Variants in SNX1 observed in about 807,000 individuals in gnomAD.
SNX1 encodes sorting nexin-1.
Under a neutral mutation model 71.8 loss-of-function variants are expected in SNX1, and 36 were observed. The ratio of observed to expected loss-of-function variants is 0.50; its 90% confidence interval spans 0.38 to 0.66. The LOEUF is 0.66. SNX1 is among the 30% of genes least tolerant of loss of function. The pLI, the probability that SNX1 is intolerant of heterozygous loss-of-function variation, is 0.00. For synonymous variants in SNX1, 254 were observed against 240.7 expected (o/e 1.06, Z -0.51); for missense variants, 612 against 646.7 (o/e 0.95, Z 0.58).
At chr15:64,111,889 A>C (rs1044276813) in intron 1 of SNX1, among the ~76,000 whole-genome samples, 1 of 152,080 alleles carries the variant, frequency 6.6e-6, no homozygotes, top group African/African-American at 2.4e-5. Flanking sequence ...GACCCACCCC[A>C]CCCTTGTTTG....
At chr15:64,137,201 C>T (rs1311464158) in intron 14 of SNX1, among the ~76,000 whole-genome samples, 3 of 152,214 alleles carry the variant, frequency 2.0e-5, no homozygotes, top group Admixed American at 6.5e-5. Flanking sequence ...GCTTACCCTT[C>T]GAGGAGCCAC....
rs1383365622 is a variant in SNX1 at position 64,142,531 on chromosome 15, G to T, written c.*4913G>T. The T allele has an allele frequency of 7.0e-6, 3 of 427,000 alleles. No individual in the cohort carries two copies. The highest frequency in any genetic ancestry group is 1.4e-5 in the Non-Finnish European group (3 of 211,266). The allele number at this position is 427,000 out of a possible 1,614,324, so 26.5% of individuals were successfully genotyped here. A position where few individuals can be genotyped will look rare whatever the true frequency, so the allele number is the denominator to read the frequency against. ...CACAGGAAGGGGACCTGTGTTCAGAGGGTGCCTCACTGCTGAGGCCACAGG... is the reference window on the plus strand; with the variant it reads ...CACAGGAAGGGGACCTGTGTTCAGATGGTGCCTCACTGCTGAGGCCACAGG... On this transcript the variant is annotated 3_prime_UTR_variant, in exon 15 of 15. Coordinates refer to ENST00000559844, the MANE Select transcript of SNX1 (RefSeq NM_003099.5).
At chr15:64,108,436 A>G (rs1203962136) in intron 1 of SNX1, among the ~76,000 whole-genome samples, 1 of 152,166 alleles carries the variant, frequency 6.6e-6, no homozygotes, top group Non-Finnish European at 1.5e-5. Context: ...GTATTTTGAT[A>G]ACGTGCTATT....
chr15:64,122,443 A>T (rs1046732173), intron 4 of SNX1, among the ~76,000 whole-genome samples: 1 of 152,198 alleles, frequency 6.6e-6, no homozygotes, highest in Non-Finnish European at 1.5e-5. Flanking sequence ...AGTATAGCAG[A>T]CAAGCCCTGT....
chr15:64,138,842 A>G lies in SNX1; in HGVS notation c.*1224A>G, dbSNP rs1280386104. On this transcript the variant is annotated 3_prime_UTR_variant, in exon 15 of 15. Transcript: ENST00000559844. ...TGAGCTCGAGCTGCTGACTGCCACTATGGGAGCCTTGCCACCTCCAGCCCC... is the reference window on the plus strand; with the variant it reads ...TGAGCTCGAGCTGCTGACTGCCACTGTGGGAGCCTTGCCACCTCCAGCCCC... The G allele has an allele frequency of 6.6e-6, 1 of 152,454 alleles. No individual in the cohort carries two copies. The highest frequency in any genetic ancestry group is 1.5e-5 in the Non-Finnish European group (1 of 68,296). 9.4% of individuals were successfully genotyped at this position (152,454 alleles called of 1,614,324 possible).
At chr15:64,118,019 A>T in intron 2 of SNX1, 98 bp from the exon 3 acceptor site, 3 of 1,136,064 alleles carry the variant, frequency 2.6e-6, no homozygotes, top group Non-Finnish European at 3.9e-6. Context: ...ATGTATTGAG[A>T]GTGCTTGCTA....
chr15:64,135,677 T>A (rs1469822013), intron 12 of SNX1, among the ~76,000 whole-genome samples: 1 of 149,008 alleles, frequency 6.7e-6, no homozygotes, highest in East Asian at 2.0e-4. Flanking sequence ...GAGAATCGCT[T>A]GAACCTGGGA....
chr15:64,096,520 A>G (rs2080902932), intron 1 of SNX1, among the ~76,000 whole-genome samples: 1 of 152,248 alleles, frequency 6.6e-6, no homozygotes, highest in African/African-American at 2.4e-5. Context: ...GTAGGACGGA[A>G]TAAGCGAATG....
intron 5 of SNX1, among the ~76,000 whole-genome samples, chr15:64,125,009 G>A (rs992978578): frequency 3.3e-5 from 5 of 152,086 alleles, no homozygotes; most frequent in East Asian, 3.9e-4. Flanking sequence ...GTTGGCCTGC[G>A]TCCTGTGAGC....
At chr15:64,115,434 T>A (rs888093140) in intron 2 of SNX1, among the ~76,000 whole-genome samples, 1 of 152,176 alleles carries the variant, frequency 6.6e-6, no homozygotes, top group Non-Finnish European at 1.5e-5. Context: ...ATGATCAGAG[T>A]CTCTCATGGA....
rs2081377491 is a variant in SNX1, at chr15:64,137,974, A to T, written c.*356A>T. 2.1e-6 allele frequency: 3 copies of T among 1,444,486 alleles called. No homozygotes were observed. The South Asian group carries it at 4.5e-5, about 22-fold the overall frequency. 89.5% of individuals were successfully genotyped at this position (1,444,486 alleles called of 1,614,324 possible). A position where few individuals can be genotyped will look rare whatever the true frequency, so the allele number is the denominator to read the frequency against. On this transcript the variant is annotated 3_prime_UTR_variant, in exon 15 of 15. Transcript: ENST00000559844. ...TCTGTTACTCCTGATGGTGCCATGA[A>T]AAGGTTATGTAATAAAATATTTTAA...
At position 64,138,023 on chromosome 15, in the gene SNX1, G is replaced by A. The variant is rs769148661; in HGVS notation, c.*405G>A. 1.6e-4 allele frequency: 238 copies of A among 1,512,210 alleles called. No homozygotes were observed. The highest frequency in any genetic ancestry group is 2.0e-4 in the Non-Finnish European group (224 of 1,138,712). The allele number at this position is 1,512,210 out of a possible 1,614,324, so 93.7% of individuals were successfully genotyped here. ...AAAATCAGGTCACATGACTCAGAAT[G>A]TTGGTGGTTTTTGCTTAGGCTGGGG... On this transcript the variant is annotated 3_prime_UTR_variant, in exon 15 of 15. Coordinates refer to ENST00000559844, the MANE Select transcript of SNX1 (RefSeq NM_003099.5).
intron 6 of SNX1, among the ~76,000 whole-genome samples, chr15:64,126,673 G>A (rs1040148334): frequency 2.0e-5 from 3 of 152,070 alleles, no homozygotes; most frequent in East Asian, 1.9e-4. Flanking sequence ...TCCACCTTCC[G>A]GGTTCAAGAG....
In SNX1 at chr15:64,096,115, C is replaced by G. The variant is rs535954030; in HGVS notation, c.102C>G (p.Pro34=). Residue 34 remains proline (P), a synonymous_variant, in exon 1 of 15, where the codon CCC becomes CCG. Coordinates refer to ENST00000559844, the MANE Select transcript of SNX1 (RefSeq NM_003099.5). ...ESEGAAGGSE[P]EAGDSDTEGE... The stretch of plus-strand genomic sequence containing the variant: ...AGGGGGCGGCCGGGGGATCAGAACC[C>G]GAGGCTGGGGACAGCGACACCGAGG... 89 of 1,560,622 alleles carry G rather than the reference C, an allele frequency of 5.7e-5. No homozygotes were observed. In the South Asian group the frequency reaches 1.0e-3, roughly 18 times the overall value.
chr15:64,126,441 G>A (rs1273578052), intron 6 of SNX1, among the ~76,000 whole-genome samples: 1 of 152,158 alleles, frequency 6.6e-6, no homozygotes, highest in Non-Finnish European at 1.5e-5. Context: ...CTCCAGAGAT[G>A]TTCGTTTGTT....
chr15:64,124,424 G>A (rs4613014), intron 5 of SNX1, among the ~76,000 whole-genome samples: 6 of 149,610 alleles, frequency 4.0e-5, no homozygotes, highest in African/African-American at 1.2e-4. Flanking sequence ...GGAGAATGGC[G>A]TGAACCCGGG....
At chr15:64,103,251 C>G (rs76144143) in intron 1 of SNX1, among the ~76,000 whole-genome samples, 1,758 of 152,292 alleles carry the variant, frequency 0.012, 32 homozygotes, top group African/African-American at 0.041. Context: ...ATGGTAGTTA[C>G]ATTTTTAGTT....
At chr15:64,122,167 C>A (rs1270944904) in intron 4 of SNX1, among the ~76,000 whole-genome samples, 1 of 152,156 alleles carries the variant, frequency 6.6e-6, no homozygotes, top group Non-Finnish European at 1.5e-5. Flanking sequence ...TTCTTAACTG[C>A]AGGCACTAAA....
Position 64,137,973 on chromosome 15 carries a change from A to G in SNX1, c.*355A>G, listed in dbSNP as rs2140164867. 2.1e-6 allele frequency: 3 copies of G among 1,444,614 alleles called. No homozygotes were observed. Among genetic ancestry groups the G allele is most frequent in the Admixed American group, 5.7e-5 (2 of 34,846 alleles). 89.5% of individuals were successfully genotyped at this position (1,444,614 alleles called of 1,614,324 possible). On this transcript the variant is annotated 3_prime_UTR_variant, in exon 15 of 15. Coordinates refer to ENST00000559844, the MANE Select transcript of SNX1 (RefSeq NM_003099.5). ...TTCTGTTACTCCTGATGGTGCCATG[A>G]AAAGGTTATGTAATAAAATATTTTA... is the stretch of plus-strand genomic sequence containing the variant.
Sources: gnomAD v4.1 joint callset for allele counts (sites outside exome capture counted in the v4.1 genomes callset) on GRCh38, gnomAD v4.1.1 for gene constraint, MANE v1.5 for transcripts, NCBI Gene and HGNC (gene_info 2026-07-23, HGNC 2026-07-21) for gene names.